Variants in PCLO observed in about 807,000 individuals in gnomAD.
The protein encoded by PCLO is protein piccolo.
PCLO carries 82 observed loss-of-function variants against 427.5 expected under a neutral mutation model. That is an observed-to-expected ratio of 0.19 (90% CI 0.16 to 0.23). PCLO has a LOEUF of 0.23. Among genes scored for constraint, PCLO ranks in the 10% least tolerant of loss-of-function variants. The pLI, the probability that PCLO is intolerant of heterozygous loss-of-function variation, is 1.00. For missense variants in PCLO, 6,239 were observed against 6,115.9 expected (o/e 1.02, Z -0.67); for synonymous variants, 2,357 against 2,155.4 (o/e 1.09, Z -2.59).
Position 83,134,241 on chromosome 7 carries a change from A to G in PCLO, c.3300+9T>C. ...GTAATATATATATATATATATATAT[A>G]TAACTTACCTCAGTCAAATGTGGTG... On this transcript the variant is annotated intron_variant, in intron 3 of 24. Transcript: ENST00000333891. 9.3e-7 allele frequency: 1 copy of G among 1,071,194 alleles called. No homozygotes were observed. Among genetic ancestry groups the G allele is most frequent in the Non-Finnish European group, 1.3e-6 (1 of 757,754 alleles). 66.4% of individuals were successfully genotyped at this position (1,071,194 alleles called of 1,614,324 possible). A position where few individuals can be genotyped will look rare whatever the true frequency, so the allele number is the denominator to read the frequency against.
chr7:83,007,088 T>C (rs1787965111), intron 3 of PCLO, among the ~76,000 whole-genome samples: 1 of 151,570 alleles, frequency 6.6e-6, no homozygotes, highest in Non-Finnish European at 1.5e-5. Context: ...TCCTTGACCA[T>C]TGCCTGTAAA....
At chr7:83,032,693 C>T (rs1788701542) in intron 3 of PCLO, among the ~76,000 whole-genome samples, 1 of 152,088 alleles carries the variant, frequency 6.6e-6, no homozygotes, top group Non-Finnish European at 1.5e-5. Flanking sequence ...TTTATGGTGT[C>T]ACCATTTTCA....
rs1375447070 is a variant in PCLO at position 82,951,725 on chromosome 7, T to C, written c.9097+131A>G. 65 of 1,345,930 alleles carry C rather than the reference T, an allele frequency of 4.8e-5. No homozygotes were observed. In the East Asian group the frequency reaches 1.3e-3, roughly 26 times the overall value. The allele number at this position is 1,345,930 out of a possible 1,614,324, so 83.4% of individuals were successfully genotyped here. A position where few individuals can be genotyped will look rare whatever the true frequency, so the allele number is the denominator to read the frequency against. ...AAAAGCGCACTTGTACTCCAAAATA[T>C]GCTGCTATAACATCCAAAGAAAGAG... On this transcript the variant is annotated intron_variant, in intron 5 of 24. Coordinates refer to ENST00000333891, the MANE Select transcript of PCLO (RefSeq NM_033026.6).
chr7:83,081,012 C>T (rs1000838128), intron 3 of PCLO, among the ~76,000 whole-genome samples: 5 of 151,650 alleles, frequency 3.3e-5, no homozygotes, highest in African/African-American at 4.8e-5. Flanking sequence ...ATTGTATTCA[C>T]CTATTTTTGA....
At chr7:83,161,233 AT>A (rs11310184) in intron 1 of PCLO, among the ~76,000 whole-genome samples, 85,947 of 149,972 alleles carry the variant, frequency 0.57, 25,192 homozygotes, top group Middle Eastern at 0.7. Flanking sequence ...GACTAAGTTA[AT>A]TTTTTTTTTA....
intron 3 of PCLO, among the ~76,000 whole-genome samples, chr7:83,046,299 T>C (rs1789102186): frequency 6.6e-6 from 1 of 152,098 alleles, no homozygotes; most frequent in Admixed American, 6.6e-5. Flanking sequence ...TGTCTAACTA[T>C]ACCATTTTCC....
At chr7:83,093,460 ATATG>A (rs1168190403) in intron 3 of PCLO, among the ~76,000 whole-genome samples, 4 of 106,824 alleles carry the variant, frequency 3.7e-5, no homozygotes, top group Non-Finnish European at 7.4e-5. Context: ...ACAAACATAT[ATATG>A]TGTGTGTGTA....
intron 3 of PCLO, among the ~76,000 whole-genome samples, chr7:83,078,563 A>T (rs1790014927): frequency 8.9e-6 from 1 of 111,972 alleles, no homozygotes; most frequent in African/African-American, 4.1e-5. Flanking sequence ...ACGGAGTTTC[A>T]CTCTGTTGTC....
At position 82,949,999 on chromosome 7, in the gene PCLO, G is replaced by C. The variant is rs762749103; in HGVS notation, c.10589C>G (p.Pro3530Arg). 4.3e-6 allele frequency: 7 copies of C among 1,613,232 alleles called. No homozygotes were observed. The highest frequency in any genetic ancestry group is 5.9e-6 in the Non-Finnish European group (7 of 1,179,756). ...GGAGGGTGTTCTTATGGTTCCAACT[G>C]GTTCAGTTTGCACAGATATCTCTGC... ...TVAEISVQTE[P>R]VGTIRTPSIR... The change falls in exon 6 of 25, where the codon CCA (proline) becomes CGA (arginine). Residue 3530 changes from proline (P) to arginine (R), a missense_variant. Physicochemically the swap from Pro to Arg is moderately radical, Grantham distance 103. This residue lies in a region of PCLO where 4,677 missense variants were observed against 4,468.4 expected (regional missense o/e 1.05). Transcript: ENST00000333891.
At chr7:82,840,236 G>A (rs929413962) in intron 14 of PCLO, among the ~76,000 whole-genome samples, 3 of 152,022 alleles carry the variant, frequency 2.0e-5, no homozygotes, top group African/African-American at 4.8e-5. Context: ...AGAAACAGCC[G>A]GATCTGGAGT....
chr7:82,840,302 T>C (rs1392522965), intron 14 of PCLO, among the ~76,000 whole-genome samples: 2 of 152,044 alleles, frequency 1.3e-5, no homozygotes, highest in African/African-American at 4.8e-5. Context: ...GTCAACCTTC[T>C]GCACATTTTC....
At chr7:82,983,768 C>G (rs1796199247) in intron 3 of PCLO, among the ~76,000 whole-genome samples, 1 of 151,702 alleles carries the variant, frequency 6.6e-6, no homozygotes, top group Admixed American at 6.6e-5. Flanking sequence ...ATGCTTAATT[C>G]AAAAGAATCA....
chr7:82,978,612 T>C (rs1356003738), intron 3 of PCLO, among the ~76,000 whole-genome samples: 1 of 151,388 alleles, frequency 6.6e-6, no homozygotes, highest in Non-Finnish European at 1.5e-5. Context: ...ATATGTATTA[T>C]ATGCATGAAT....
At chr7:83,074,433 G>C (rs1302994664) in intron 3 of PCLO, among the ~76,000 whole-genome samples, 2 of 152,070 alleles carry the variant, frequency 1.3e-5, no homozygotes, top group Non-Finnish European at 2.9e-5. Flanking sequence ...TAAAAATCTA[G>C]TGAGGCCCAA....
Position 83,155,529 on chromosome 7 carries a change from G to A in PCLO, c.1112C>T (p.Pro371Leu). 3 of 1,612,852 alleles carry A rather than the reference G, an allele frequency of 1.9e-6. No individual in the cohort carries two copies. The highest frequency in any genetic ancestry group is 1.1e-5 in the South Asian group (1 of 90,990). ...CTCTGACCCAGTCTGCTGAGCTGGA[G>A]GCTTAGCAGGACCAAGAGGCTGAGC... is the stretch of plus-strand genomic sequence containing the variant. Reference protein sequence around the residue: ...PPAQPLGPAKPPAQQTGSEKP... With the variant: ...PPAQPLGPAKLPAQQTGSEKP... The change falls in exon 2 of 25, where the codon CCT becomes CTT. Residue 371 changes from proline to leucine, a missense_variant. By Grantham distance (98) the Pro-to-Leu change is moderately conservative (BLOSUM62 -3). This residue lies in a region of PCLO where 4,677 missense variants were observed against 4,468.4 expected (regional missense o/e 1.05). Coordinates refer to ENST00000333891, the MANE Select transcript of PCLO (RefSeq NM_033026.6).
At chr7:83,087,465 A>G (rs1790266763) in intron 3 of PCLO, among the ~76,000 whole-genome samples, 1 of 151,994 alleles carries the variant, frequency 6.6e-6, no homozygotes, top group African/African-American at 2.4e-5. Flanking sequence ...AATTTTTCAA[A>G]GTGTGAAAAA....
intron 16 of PCLO, 130 bp downstream of exon 16, chr7:82,835,537 T>A: frequency 1.5e-6 from 1 of 663,436 alleles, no homozygotes; most frequent in South Asian, 1.9e-5. Flanking sequence ...GCTGATTCAA[T>A]AGATACAAAC....
At chr7:82,921,934 A>G (rs1584157828) in intron 6 of PCLO, among the ~76,000 whole-genome samples, 1 of 152,126 alleles carries the variant, frequency 6.6e-6, no homozygotes, top group Admixed American at 6.6e-5. Flanking sequence ...ATAAGTAGAC[A>G]TTTCTCAAAA....
Position 82,804,030 on chromosome 7 carries a change from G to A in PCLO, c.14933+1658C>T, listed in dbSNP as rs546438292. Reference sequence around the variant, plus strand: ...TTGGAATTATAACTTTACCATCAGTGTTAAATTATATATTTTGAAAGGTGC... The same window carrying A: ...TTGGAATTATAACTTTACCATCAGTATTAAATTATATATTTTGAAAGGTGC... On this transcript the variant is annotated intron_variant, in intron 21 of 24. Coordinates refer to ENST00000333891, the MANE Select transcript of PCLO (RefSeq NM_033026.6). Among the ~76,000 whole-genome samples, 15 of 152,230 alleles carry A rather than the reference G, an allele frequency of 9.9e-5. No individual in the cohort carries two copies. The East Asian group carries it at 2.5e-3, about 26-fold the overall frequency.
Sources: allele counts gnomAD v4.1 joint callset (sites outside exome capture counted in the v4.1 genomes callset), GRCh38; gene constraint gnomAD v4.1.1; regional missense constraint gnomAD v4.1.1; transcripts MANE v1.5; gene names NCBI Gene and HGNC (gene_info 2026-07-23, HGNC 2026-07-21).